PTPRT: variants seen among roughly 807,000 people sequenced by gnomAD.
PTPRT encodes the protein protein tyrosine phosphatase receptor type T.
Under a neutral mutation model 176.8 loss-of-function variants are expected in PTPRT, and 56 were observed. The ratio of observed to expected loss-of-function variants is 0.32; its 90% CI spans 0.26 to 0.40. The LOEUF is 0.40. PTPRT is among the 10% of genes least tolerant of loss of function. PTPRT has a pLI of 1.00. For synonymous variants in PTPRT, 783 were observed against 739.0 expected, an observed-to-expected ratio of 1.06 and a Z score of -0.96; for missense variants, 1,540 against 1,908.2, an observed-to-expected ratio of 0.81 and a Z score of 3.60.
chr20:42,972,483 G>A (rs896093078), intron 1 of PTPRT, among the ~76,000 whole-genome samples: 2 of 151,520 alleles, frequency 1.3e-5, no homozygotes, highest in Non-Finnish European at 2.9e-5. Flanking sequence ...CCAACATGAT[G>A]AAACCCCGTC....
chr20:42,162,849 T>C (rs944121429), intron 16 of PTPRT, among the ~76,000 whole-genome samples: 2 of 152,254 alleles, frequency 1.3e-5, no homozygotes, highest in African/African-American at 4.8e-5. Flanking sequence ...GGATCCTGTG[T>C]GTGAATGCAC....
chr20:42,083,156 T>TGAGA (rs773794572), intron 29 of PTPRT, among the ~76,000 whole-genome samples: 1 of 74,434 alleles, frequency 1.3e-5, no homozygotes, highest in East Asian at 4.7e-4. Flanking sequence ...AAAACAAACA[T>TGAGA]GAGAGAGAGA....
intron 1 of PTPRT, among the ~76,000 whole-genome samples, chr20:43,027,821 C>G (rs1282920383): frequency 6.6e-6 from 1 of 152,162 alleles, no homozygotes; most frequent in Non-Finnish European, 1.5e-5. Context: ...ACAGCACCGA[C>G]AGCATTGAAG....
At chr20:42,221,037 T>C (rs544497179) in intron 15 of PTPRT, among the ~76,000 whole-genome samples, 32 of 152,266 alleles carry the variant, frequency 2.1e-4, no homozygotes, top group Non-Finnish European at 3.8e-4. Context: ...TCTCACTCTG[T>C]CTCCCAGGCT....
intron 9 of PTPRT, among the ~76,000 whole-genome samples, chr20:42,440,019 G>C (rs1568880851): frequency 6.6e-6 from 1 of 152,102 alleles, no homozygotes; most frequent in Non-Finnish European, 1.5e-5. Flanking sequence ...CGATTCTCCT[G>C]CCTCAGCCTC....
chr20:42,043,611 G>T, the PTPRT span, among the ~76,000 whole-genome samples: 1 of 152,166 alleles, frequency 6.6e-6, no homozygotes, highest in African/African-American at 2.4e-5. Flanking sequence ...TTGAGTGACT[G>T]TGTGGAGCAG....
intron 15 of PTPRT, among the ~76,000 whole-genome samples, chr20:42,228,879 A>G (rs1275508414): frequency 6.6e-6 from 1 of 152,230 alleles, no homozygotes; most frequent in Non-Finnish European, 1.5e-5. Flanking sequence ...AGGGCAGGAT[A>G]ACCTGGGAAG....
intron 8 of PTPRT, among the ~76,000 whole-genome samples, chr20:42,453,593 T>C (rs2070869576): frequency 6.6e-6 from 1 of 151,940 alleles, no homozygotes. Flanking sequence ...TCCTTTTTCT[T>C]TCTCCATCGT....
intron 2 of PTPRT, among the ~76,000 whole-genome samples, chr20:42,817,848 G>C (rs917433260): frequency 2.0e-5 from 3 of 152,196 alleles, no homozygotes; most frequent in Non-Finnish European, 2.9e-5. Context: ...TCCAGCTAGA[G>C]GCTCAAGGAC....
intron 2 of PTPRT, among the ~76,000 whole-genome samples, chr20:42,807,195 G>C (rs1214716851): frequency 6.6e-6 from 1 of 152,216 alleles, no homozygotes; most frequent in Admixed American, 6.5e-5. Context: ...TCTTCTACTA[G>C]AGGGACAGAG....
At chr20:42,583,447 C>T (rs924230362) in intron 7 of PTPRT, among the ~76,000 whole-genome samples, 2 of 152,180 alleles carry the variant, frequency 1.3e-5, no homozygotes, top group Admixed American at 6.5e-5. Flanking sequence ...GGGATCACTA[C>T]GGACAGAGGA....
chr20:43,119,412 T>C (rs2013175836), intron 1 of PTPRT, among the ~76,000 whole-genome samples: 2 of 152,376 alleles, frequency 1.3e-5, no homozygotes, highest in South Asian at 4.1e-4. Context: ...TCTATTGTTC[T>C]ATTTTATTCA....
chr20:43,176,295 C>A lies in PTPRT; in HGVS notation c.88+13351G>T, dbSNP rs563637350. On this transcript the variant is annotated intron_variant, in intron 1 of 30. Coordinates refer to ENST00000373187, the MANE Select transcript of PTPRT (RefSeq NM_007050.6). ...CCTGGCAACAGAGCGAGACCCTGGG[C>A]TCTGACTGTGCCACTGTACTCTAGC... 7.6e-4 allele frequency among the ~76,000 whole-genome samples: 115 copies of A among 151,976 alleles called. 1 individual carries two copies. Among genetic ancestry groups the A allele is most frequent in the African/African-American group, 2.7e-3 (111 of 41,414 alleles).
chr20:42,259,599 G>C (rs1167531792), intron 13 of PTPRT, among the ~76,000 whole-genome samples: 1 of 152,208 alleles, frequency 6.6e-6, no homozygotes, highest in African/African-American at 2.4e-5. Flanking sequence ...TATGACTAGA[G>C]TCAGGTATAA....
At chr20:42,756,866 C>T (rs1375424181) in intron 5 of PTPRT, among the ~76,000 whole-genome samples, 2 of 151,960 alleles carry the variant, frequency 1.3e-5, no homozygotes, top group Non-Finnish European at 2.9e-5. Context: ...GCCTAGGTAG[C>T]AAGCAAGACC....
chr20:42,136,254 T>TC (rs1988372236), intron 18 of PTPRT, among the ~76,000 whole-genome samples: 1 of 149,662 alleles, frequency 6.7e-6, no homozygotes, highest in African/African-American at 2.5e-5. Flanking sequence ...TTTTTTTTTT[T>TC]TTTCAGAGAA....
chr20:42,880,965 A>G (rs542081547), intron 2 of PTPRT, among the ~76,000 whole-genome samples: 91 of 152,310 alleles, frequency 6.0e-4, no homozygotes, highest in African/African-American at 2.0e-3. Context: ...CGATGCAGCA[A>G]TGCATCCTGG....
At chr20:42,588,760 A>T in intron 7 of PTPRT, among the ~76,000 whole-genome samples, 1 of 152,174 alleles carries the variant, frequency 6.6e-6, no homozygotes, top group African/African-American at 2.4e-5. Flanking sequence ...GTTCATGGGT[A>T]ATAAAGACAG....
the PTPRT span, among the ~76,000 whole-genome samples, chr20:42,052,349 G>A: frequency 6.6e-6 from 1 of 152,210 alleles, no homozygotes; most frequent in Non-Finnish European, 1.5e-5. Flanking sequence ...GCAGGTAGCT[G>A]CAGCCACAGC....
Sources: allele counts gnomAD v4.1 joint callset (sites outside exome capture counted in the v4.1 genomes callset), GRCh38; gene constraint gnomAD v4.1.1; transcripts MANE v1.5; gene names NCBI Gene and HGNC (gene_info 2026-07-23, HGNC 2026-07-21).